Variants in TRMT61B observed in about 807,000 individuals in gnomAD.
TRMT61B encodes tRNA methyltransferase 61B, also known as tRNA (adenine(58)-N(1))-methyltransferase, mitochondrial.
A neutral mutation model predicts 52.0 loss-of-function variants in TRMT61B; 56 were observed. The observed-to-expected ratio is 1.08, with a 90% CI of 0.87 to 1.35. The LOEUF (loss-of-function observed/expected upper bound fraction) is 1.35, where lower values mean the gene tolerates loss of function less well. Among genes scored for constraint, TRMT61B ranks in the 40% most tolerant of loss-of-function variants. The pLI, the probability that TRMT61B is intolerant of heterozygous loss-of-function variation, is 0.00. For synonymous variants in TRMT61B, 206 were observed against 220.0 expected (o/e 0.94, Z 0.56); for missense variants, 650 against 577.9 (o/e 1.12, Z -1.28).
chr2:28,852,101 C>G (rs1484855094), intron 4 of TRMT61B, among the ~76,000 whole-genome samples: 1 of 150,440 alleles, frequency 6.6e-6, no homozygotes, highest in South Asian at 2.1e-4. Flanking sequence ...CACCTGAAGT[C>G]AGGAGTTCAA....
At position 28,851,191 on chromosome 2, in the gene TRMT61B, G is replaced by T; in HGVS notation, c.1193C>A (p.Ala398Glu). 6.2e-7 allele frequency: 1 copy of T among 1,612,998 alleles called. No homozygotes were observed. The highest frequency in any genetic ancestry group is 8.5e-7 in the Non-Finnish European group (1 of 1,179,614). The change falls in exon 5 of 7, where the codon GCA becomes GAA. Residue 398 changes from alanine to glutamate, a missense_variant. Physicochemically the swap from Ala to Glu is moderately radical, Grantham distance 107. Coordinates refer to ENST00000306108, the MANE Select transcript of TRMT61B (RefSeq NM_017910.4). ...AGCTAAAATTCCATTTTTCTGTTTT[G>T]CAAGGCAAACCAACCAATCTCTGAC... is the stretch of plus-strand genomic sequence containing the variant. Reference protein sequence around the residue: ...VIVRDWLVCLAKQKNGILAQK... With the variant: ...VIVRDWLVCLEKQKNGILAQK...
intron 2 of TRMT61B, among the ~76,000 whole-genome samples, chr2:28,863,636 C>G (rs1447510015): frequency 6.6e-6 from 1 of 152,110 alleles, no homozygotes; most frequent in Non-Finnish European, 1.5e-5. Context: ...TCAAATGAAA[C>G]CGTGCAGTTA....
At position 28,870,053 on chromosome 2, in the gene TRMT61B, C is replaced by T; in HGVS notation, c.225G>A (p.Ser75=). ...ESCPSLPLSI[S]DIGTGCLSSL... is the part of the protein sequence containing the mutation. The stretch of plus-strand genomic sequence containing the variant: ...ACGAAAGACATCCAGTCCCAATGTC[C>T]GAGATGCTCAGAGGGAGAGATGGGC... Residue 75 remains serine (S), a synonymous_variant, in exon 1 of 7, where the codon TCG becomes TCA. Coordinates refer to ENST00000306108, the MANE Select transcript of TRMT61B (RefSeq NM_017910.4). 1 of 1,613,680 alleles carries T rather than the reference C, an allele frequency of 6.2e-7. No homozygotes were observed. The highest frequency in any genetic ancestry group is 8.5e-7 in the Non-Finnish European group (1 of 1,179,898).
chr2:28,856,368 T>G (rs969133771), intron 3 of TRMT61B, among the ~76,000 whole-genome samples: 1 of 152,184 alleles, frequency 6.6e-6, no homozygotes, highest in Non-Finnish European at 1.5e-5. Flanking sequence ...TGTTGAAATA[T>G]TATAATACCT....
At chr2:28,859,304 C>T (rs1572542838) in intron 3 of TRMT61B, among the ~76,000 whole-genome samples, 1 of 152,138 alleles carries the variant, frequency 6.6e-6, no homozygotes, top group East Asian at 1.9e-4. Context: ...TGGTCTCCAT[C>T]TCCTGACCTC....
chr2:28,852,875 C>T (rs763789233), intron 3 of TRMT61B, among the ~76,000 whole-genome samples: 2 of 151,996 alleles, frequency 1.3e-5, no homozygotes, highest in Non-Finnish European at 2.9e-5. Context: ...GGGAGGGTCA[C>T]TGGAGCCTAG....
At chr2:28,859,242 G>A (rs1344473798) in intron 3 of TRMT61B, among the ~76,000 whole-genome samples, 1 of 151,988 alleles carries the variant, frequency 6.6e-6, no homozygotes, top group South Asian at 2.1e-4. Context: ...ACCACGCCCG[G>A]CTAATTTTTT....
intron 3 of TRMT61B, among the ~76,000 whole-genome samples, chr2:28,859,205 G>A (rs1268104413): frequency 2.0e-5 from 3 of 151,996 alleles, no homozygotes; most frequent in Non-Finnish European, 4.4e-5. Context: ...TCAGCCTCCC[G>A]AGTAGGTGGG....
At chr2:28,855,391 G>A (rs1429722058) in intron 3 of TRMT61B, among the ~76,000 whole-genome samples, 1 of 152,140 alleles carries the variant, frequency 6.6e-6, no homozygotes, top group Non-Finnish European at 1.5e-5. Context: ...AAATCTACAT[G>A]CAGAAAACAC....
At chr2:28,868,960 C>T (rs1420441812) in intron 1 of TRMT61B, among the ~76,000 whole-genome samples, 1 of 151,896 alleles carries the variant, frequency 6.6e-6, no homozygotes. Context: ...GCCAAGATCG[C>T]AACACTGCAC....
At chr2:28,858,096 A>C (rs571047270) in intron 3 of TRMT61B, among the ~76,000 whole-genome samples, 4 of 144,544 alleles carry the variant, frequency 2.8e-5, no homozygotes, top group Non-Finnish European at 6.0e-5. Context: ...GCTGGAGTGC[A>C]GTGGCGCCAT....
intron 4 of TRMT61B, 117 bp from the exon 5 acceptor site, chr2:28,851,415 G>T: frequency 3.0e-6 from 2 of 671,476 alleles, no homozygotes; most frequent in South Asian, 2.5e-5. Flanking sequence ...GCAGGAGAGG[G>T]TTTAAATATG....
chr2:28,860,463 ACT>A (rs1049140674), intron 3 of TRMT61B, among the ~76,000 whole-genome samples: 2 of 151,804 alleles, frequency 1.3e-5, no homozygotes, highest in African/African-American at 4.8e-5. Flanking sequence ...GAATTCTGAA[ACT>A]CTTCAGCCAG....
At position 28,861,227 on chromosome 2, in the gene TRMT61B, C is replaced by T. The variant is rs371841780; in HGVS notation, c.884G>A (p.Arg295His). Residue 295 changes from arginine to histidine, a missense_variant, in exon 3 of 7, where the codon CGT (arginine) becomes CAT (histidine). Transcript: ENST00000306108. ...TACATGACTTAATTTCCATGAATCA[C>T]GCCAGTGTTTGTAATTCTTCTTAGC... ...DLAKKNYKHW[R>H]DSWKLSHVEE... 3.7e-5 allele frequency: 60 copies of T among 1,613,628 alleles called. No homozygotes were observed. The highest frequency in any genetic ancestry group is 5.3e-5 in the African/African-American group (4 of 74,898).
Position 28,849,930 on chromosome 2 carries a change from A to C in TRMT61B, c.*269T>G, listed in dbSNP as rs748286752. 2 of 1,590,320 alleles carry C rather than the reference A, an allele frequency of 1.3e-6. No individual in the cohort carries two copies. Among genetic ancestry groups the C allele is most frequent in the South Asian group, 1.2e-5 (1 of 85,762 alleles). Reference sequence around the variant, plus strand: ...CAAATCTATGGAGTGGTTTACAGGAAGTGAAGAATGAGATGGCCCAACTAA... The same window carrying C: ...CAAATCTATGGAGTGGTTTACAGGACGTGAAGAATGAGATGGCCCAACTAA... On this transcript the variant is annotated 3_prime_UTR_variant, in exon 7 of 7. Transcript: ENST00000306108.
chr2:28,867,239 G>A (rs1022816333), intron 1 of TRMT61B, among the ~76,000 whole-genome samples: 2 of 152,118 alleles, frequency 1.3e-5, no homozygotes, highest in Admixed American at 6.6e-5. Context: ...GGGACCACAA[G>A]TGTGTGCCAG....
intron 3 of TRMT61B, among the ~76,000 whole-genome samples, chr2:28,853,427 C>T (rs1000176198): frequency 3.3e-5 from 5 of 152,248 alleles, no homozygotes; most frequent in Admixed American, 1.3e-4. Context: ...CTGCCCGCCT[C>T]GGCCTCCCAA....
In TRMT61B at chr2:28,869,676, A is replaced by G. The variant is rs1331728132; in HGVS notation, c.602T>C (p.Leu201Pro). 1 of 1,614,178 alleles carries G rather than the reference A, an allele frequency of 6.2e-7. No homozygotes were observed. The highest frequency in any genetic ancestry group is 1.7e-5 in the Admixed American group (1 of 60,014). The change falls in exon 1 of 7, where the codon CTG becomes CCG. Residue 201 changes from leucine to proline, a missense_variant. Transcript: ENST00000306108. ...GTACTGCTTACCGAAGGAACTCCTC[A>G]GTATCTGGCCGGGGAACTTCCCCAC... ...KIVGKFPGQILRSSFGKQYML... is the reference protein window; with the variant it reads ...KIVGKFPGQIPRSSFGKQYML...
intron 3 of TRMT61B, among the ~76,000 whole-genome samples, chr2:28,854,267 A>G (rs565446993): frequency 6.6e-6 from 1 of 152,200 alleles, no homozygotes. Flanking sequence ...ATAAGAAAAC[A>G]TATAAATAAA....
Sources: allele counts gnomAD v4.1 joint callset (sites outside exome capture counted in the v4.1 genomes callset), GRCh38; gene constraint gnomAD v4.1.1; transcripts MANE v1.5; gene names NCBI Gene and HGNC (gene_info 2026-07-23, HGNC 2026-07-21).